Variants in SCUBE1 observed in about 807,000 individuals in gnomAD.
The protein encoded by SCUBE1 is signal peptide, CUB domain and EGF like domain containing 1.
A neutral mutation model predicts 124.4 loss-of-function variants in SCUBE1; 59 were observed. That is an observed-to-expected ratio of 0.47 (90% CI 0.38 to 0.59). The LOEUF (loss-of-function observed/expected upper bound fraction) is 0.59, where lower values mean the gene tolerates loss of function less well. Among genes scored for constraint, SCUBE1 ranks in the 20% least tolerant of loss-of-function variants. The pLI is 0.00. For synonymous variants in SCUBE1, 545 were observed against 550.9 expected (o/e 0.99, Z 0.15); for missense variants, 1,150 against 1,371.2 (o/e 0.84, Z 2.55).
intron 3 of SCUBE1, among the ~76,000 whole-genome samples, chr22:43,314,391 C>A (rs184729827): frequency 7.8e-4 from 118 of 152,236 alleles, no homozygotes; most frequent in Admixed American, 7.6e-3. Flanking sequence ...CTGCTGCCAG[C>A]ACCACAGTGA....
chr22:43,326,191 T>C (rs116298203), intron 2 of SCUBE1, among the ~76,000 whole-genome samples: 1,860 of 152,272 alleles, frequency 0.012, 39 homozygotes, highest in African/African-American at 0.043. Context: ...CATTTCCCCC[T>C]GAAACTGGCA....
chr22:43,235,602 CT>C (rs1317564184), intron 7 of SCUBE1, among the ~76,000 whole-genome samples: 5 of 152,158 alleles, frequency 3.3e-5, no homozygotes, highest in African/African-American at 2.4e-5. Context: ...TCTGGAGATG[CT>C]GGGAAGAGGG....
chr22:43,255,882 G>A lies in SCUBE1; in HGVS notation c.727+2337C>T, dbSNP rs1923642789. Among the ~76,000 whole-genome samples the A allele has an allele frequency of 6.6e-6, 1 of 152,138 alleles. No homozygotes were observed. Among genetic ancestry groups the A allele is most frequent in the African/African-American group, 2.4e-5 (1 of 41,414 alleles). The stretch of plus-strand genomic sequence containing the variant: ...CAAGCAAACAGAGAAGGAGGCTGAG[G>A]TCAGGGCAGACGGGATTCGTCCGCA... On this transcript the variant is annotated intron_variant, in intron 6 of 21. Coordinates refer to ENST00000360835, the MANE Select transcript of SCUBE1 (RefSeq NM_173050.5). The surrounding 1 kb of genome is among the most constrained non-coding windows in gnomAD (Gnocchi z 4.7).
intron 3 of SCUBE1, among the ~76,000 whole-genome samples, chr22:43,303,180 A>G (rs1332169717): frequency 1.3e-5 from 2 of 152,164 alleles, no homozygotes; most frequent in African/African-American, 2.4e-5. Context: ...CCACCCTCCA[A>G]AGCTATGTGA....
chr22:43,231,992 A>G, intron 7 of SCUBE1, 117 bp from the exon 8 acceptor site: 1 of 1,284,852 alleles, frequency 7.8e-7, no homozygotes, highest in East Asian at 2.4e-5. Flanking sequence ...CCTGGTGCCC[A>G]CTTCCCAAGC....
In SCUBE1 at chr22:43,199,456, A is replaced by G. The variant is rs1223115825; in HGVS notation, c.*4541T>C. On this transcript the variant is annotated 3_prime_UTR_variant, in exon 22 of 22. Transcript: ENST00000360835. The stretch of plus-strand genomic sequence containing the variant: ...GGTAGGGGAAATGGCTTCTCTCCCA[A>G]GGCCTTCAAATTTGGCCTCTTGTGC... The G allele has an allele frequency of 1.3e-5, 2 of 151,504 alleles. No individual in the cohort carries two copies. The highest frequency in any genetic ancestry group is 2.4e-5 in the African/African-American group (1 of 40,870). 9.4% of individuals were successfully genotyped at this position (151,504 alleles called of 1,614,324 possible).
At chr22:43,298,963 C>T (rs913407060) in intron 3 of SCUBE1, among the ~76,000 whole-genome samples, 3 of 151,336 alleles carry the variant, frequency 2.0e-5, no homozygotes, top group Admixed American at 1.3e-4. Context: ...GAGGCAGGAG[C>T]ATGGTGTGAA....
At chr22:43,281,587 T>TCACAGCCACC (rs1569011199) in intron 4 of SCUBE1, among the ~76,000 whole-genome samples, 63 of 64,886 alleles carry the variant, frequency 9.7e-4, no homozygotes, top group Non-Finnish European at 1.5e-3. Flanking sequence ...TCACCTCCCT[T>TCACAGCCACC]CTCAGCCACC....
rs1010358632 is a variant in SCUBE1 at position 43,211,859 on chromosome 22, A to G, written c.2221+566T>C. ...AATGGGCAAATTCAGAACAGTTTGT[A>G]TGTGCAGGGGAGTATCTGGTGATGT... On this transcript the variant is annotated intron_variant, in intron 17 of 21. Transcript: ENST00000360835. This position sits in a 1 kb window ranked among gnomAD's most constrained non-coding sequence, Gnocchi z 4.5. Among the ~76,000 whole-genome samples, 1 of 152,000 alleles carries G rather than the reference A, an allele frequency of 6.6e-6. No homozygotes were observed. The highest frequency in any genetic ancestry group is 1.5e-5 in the Non-Finnish European group (1 of 68,010).
chr22:43,273,651 C>T (rs1188924313), intron 4 of SCUBE1, among the ~76,000 whole-genome samples: 2 of 140,084 alleles, frequency 1.4e-5, no homozygotes, highest in Admixed American at 1.6e-4. Context: ...CAGCTCACTG[C>T]AGCCTTGAAC....
intron 16 of SCUBE1, 66 bp from the exon 17 acceptor site, chr22:43,212,658 C>A: frequency 6.7e-7 from 1 of 1,502,664 alleles, no homozygotes; most frequent in South Asian, 1.2e-5. Context: ...TGTGGGTGGT[C>A]TCAGGCCCCG....
intron 4 of SCUBE1, among the ~76,000 whole-genome samples, chr22:43,289,351 C>A (rs988512759): frequency 1.3e-5 from 2 of 152,230 alleles, no homozygotes; most frequent in African/African-American, 4.8e-5. Context: ...GGAGGTCTTA[C>A]AAGGCGCAAA....
At chr22:43,209,102 C>T (rs147084414) in intron 19 of SCUBE1, among the ~76,000 whole-genome samples, 7 of 152,316 alleles carry the variant, frequency 4.6e-5, no homozygotes, top group Non-Finnish European at 8.8e-5. Flanking sequence ...TGCTCAGCTG[C>T]GTCAGCCTTG....
Position 43,284,133 on chromosome 22 carries a change from T to C in SCUBE1, c.484+6913A>G, listed in dbSNP as rs139189569. 6.1e-3 allele frequency among the ~76,000 whole-genome samples: 936 copies of C among 152,352 alleles called. 4 individuals carry two copies. The highest frequency in any genetic ancestry group is 9.6e-3 in the Non-Finnish European group (650 of 68,028). Reference sequence around the variant, plus strand: ...CAAGACCCGTGACAACACAGTGGTATGTAACAGTTAATAAGAGCAGTGTCG... The same window carrying C: ...CAAGACCCGTGACAACACAGTGGTACGTAACAGTTAATAAGAGCAGTGTCG... On this transcript the variant is annotated intron_variant, in intron 4 of 21. Coordinates refer to ENST00000360835, the MANE Select transcript of SCUBE1 (RefSeq NM_173050.5).
At chr22:43,305,616 G>C (rs1925940357) in intron 3 of SCUBE1, among the ~76,000 whole-genome samples, 4 of 152,212 alleles carry the variant, frequency 2.6e-5, no homozygotes, top group Admixed American at 2.6e-4. Flanking sequence ...AAAGGCTGGA[G>C]TGTCAGCAGG....
At chr22:43,252,491 G>A (rs1053841999) in intron 6 of SCUBE1, among the ~76,000 whole-genome samples, 2 of 152,218 alleles carry the variant, frequency 1.3e-5, no homozygotes, top group Non-Finnish European at 2.9e-5. Flanking sequence ...AGACTCTGGA[G>A]CCACGTGGTC....
At chr22:43,235,179 C>T (rs898702103) in intron 7 of SCUBE1, among the ~76,000 whole-genome samples, 4 of 151,966 alleles carry the variant, frequency 2.6e-5, no homozygotes, top group African/African-American at 7.3e-5. Flanking sequence ...GACAATGGAG[C>T]GGGTCTGAGG....
At chr22:43,242,478 G>A (rs553101198) in intron 6 of SCUBE1, among the ~76,000 whole-genome samples, 28 of 152,346 alleles carry the variant, frequency 1.8e-4, no homozygotes, top group African/African-American at 5.5e-4. Context: ...ATCTCTGCCC[G>A]GTGGGGAGGT....
At chr22:43,338,902 T>A (rs1000448863) in intron 2 of SCUBE1, among the ~76,000 whole-genome samples, 2 of 152,198 alleles carry the variant, frequency 1.3e-5, no homozygotes. Context: ...TGACTCTAAC[T>A]CCACCCTTCC....
Sources: gnomAD v4.1 joint callset for allele counts (sites outside exome capture counted in the v4.1 genomes callset) on GRCh38, gnomAD v4.1.1 for gene constraint, Gnocchi (gnomAD v3.1) non-coding constraint, MANE v1.5 for transcripts, NCBI Gene and HGNC (gene_info 2026-07-23, HGNC 2026-07-21) for gene names.